Variants in ADAM22 observed in about 807,000 individuals in gnomAD.
The protein encoded by ADAM22 is disintegrin and metalloproteinase domain-containing protein 22.
Under a neutral mutation model 144.6 loss-of-function variants are expected in ADAM22, and 65 were observed. The ratio of observed to expected loss-of-function variants is 0.45; its 90% confidence interval spans 0.37 to 0.55. The LOEUF is 0.55. Ranked by LOEUF, ADAM22 falls within the 20% of genes least tolerant of loss-of-function variation. ADAM22 has a pLI of 0.00. For missense variants in ADAM22, 974 were observed against 1,184.9 expected, an observed-to-expected ratio of 0.82 and a Z score of 2.61; for synonymous variants, 391 against 412.6, an observed-to-expected ratio of 0.95 and a Z score of 0.63.
chr7:88,003,046 T>C lies in ADAM22; in HGVS notation c.323+24634T>C, dbSNP rs2282946. Among the ~76,000 whole-genome samples, 932 of 152,304 alleles carry C rather than the reference T, an allele frequency of 6.1e-3. 12 individuals are homozygous for C. The highest frequency in any genetic ancestry group is 0.046 in the East Asian group (240 of 5,188). ...TGAATTCTGTTTTTCAGTGACTAACTGGGATCAGAATAAAAAGAGTTGAAG... is the reference window on the plus strand; with the variant it reads ...TGAATTCTGTTTTTCAGTGACTAACCGGGATCAGAATAAAAAGAGTTGAAG... On this transcript the variant is annotated intron_variant, in intron 3 of 31. Transcript: ENST00000413139.
intron 3 of ADAM22, among the ~76,000 whole-genome samples, 168 bp downstream of exon 3, chr7:87,978,580 A>G (rs894581613): frequency 1.3e-5 from 2 of 152,252 alleles, no homozygotes; most frequent in African/African-American, 2.4e-5. Context: ...GGCAGATAAC[A>G]AGAAATATAT....
chr7:87,937,534 CT>C (rs1239837124), intron 2 of ADAM22, among the ~76,000 whole-genome samples: 1 of 152,168 alleles, frequency 6.6e-6, no homozygotes, highest in Non-Finnish European at 1.5e-5. Context: ...CTGGAAATGT[CT>C]TTGGGTACCT....
At chr7:87,970,622 C>A (rs1278197261) in intron 2 of ADAM22, among the ~76,000 whole-genome samples, 2 of 152,084 alleles carry the variant, frequency 1.3e-5, no homozygotes, top group Non-Finnish European at 2.9e-5. Flanking sequence ...TAAAAAGTTC[C>A]TTTGTGTTTG....
rs182546269 is a variant in ADAM22, at chr7:88,143,771, G to A, written c.1320+646G>A. ...CTGTGAAATGCTTCTGTGCACCACA[G>A]GGATATGCACCATTGCCTTTGTAAT... On this transcript the variant is annotated intron_variant, in intron 15 of 31. Coordinates refer to ENST00000413139, the MANE Select transcript of ADAM22 (RefSeq NM_001324418.2). 5.9e-5 allele frequency among the ~76,000 whole-genome samples: 9 copies of A among 152,320 alleles called. No homozygotes were observed. In the East Asian group the frequency reaches 1.5e-3, roughly 26 times the overall value.
intron 3 of ADAM22, among the ~76,000 whole-genome samples, chr7:88,035,016 GT>G (rs1417847568): frequency 6.6e-6 from 1 of 152,148 alleles, no homozygotes; most frequent in African/African-American, 2.4e-5. Flanking sequence ...TTATGTAAGT[GT>G]TTTTCTGTGT....
intron 26 of ADAM22, among the ~76,000 whole-genome samples, chr7:88,178,177 CT>C (rs1417284821): frequency 6.6e-6 from 1 of 152,102 alleles, no homozygotes; most frequent in African/African-American, 2.4e-5. Context: ...TACATTTTCA[CT>C]TGGGCACTCC....
intron 4 of ADAM22, among the ~76,000 whole-genome samples, chr7:88,104,382 A>G (rs767702884): frequency 4.6e-5 from 7 of 152,124 alleles, no homozygotes; most frequent in Admixed American, 6.5e-5. Flanking sequence ...TGTGTCAAAA[A>G]TGCTTACCAT....
chr7:88,050,244 A>AG (rs1398607613), intron 3 of ADAM22, among the ~76,000 whole-genome samples: 2 of 148,476 alleles, frequency 1.3e-5, no homozygotes, highest in African/African-American at 2.5e-5. Context: ...AAAAAAAAAA[A>AG]CCTGGGCATC....
intron 29 of ADAM22, chr7:88,185,691 A>AGGAAACTCTGG (rs1848139176): frequency 6.6e-6 from 1 of 152,204 alleles, no homozygotes; most frequent in Non-Finnish European, 1.5e-5. Context: ...TAAAAATCAA[A>AGGAAACTCTGG]GGAAACTCTG....
intron 7 of ADAM22, among the ~76,000 whole-genome samples, chr7:88,119,818 A>G (rs1828818178): frequency 6.6e-6 from 1 of 152,214 alleles, no homozygotes; most frequent in Non-Finnish European, 1.5e-5. Flanking sequence ...TATTAAGTTG[A>G]TGGACATTTA....
intron 3 of ADAM22, among the ~76,000 whole-genome samples, chr7:87,979,399 C>G (rs1208888425): frequency 6.6e-6 from 1 of 152,132 alleles, no homozygotes; most frequent in African/African-American, 2.4e-5. Context: ...GTTGCATTAG[C>G]CACATTTTAA....
At chr7:88,109,081 A>T (rs1825312103) in intron 5 of ADAM22, among the ~76,000 whole-genome samples, 1 of 152,094 alleles carries the variant, frequency 6.6e-6, no homozygotes, top group Non-Finnish European at 1.5e-5. Context: ...AGTTTCAGTA[A>T]ATGGAAACGC....
intron 17 of ADAM22, among the ~76,000 whole-genome samples, chr7:88,147,995 T>C (rs998861119): frequency 1.3e-5 from 2 of 152,168 alleles, no homozygotes; most frequent in Non-Finnish European, 2.9e-5. Flanking sequence ...TTATTAAATA[T>C]TTGATGAATG....
At chr7:88,001,919 C>G (rs1180114864) in intron 3 of ADAM22, among the ~76,000 whole-genome samples, 3 of 151,916 alleles carry the variant, frequency 2.0e-5, no homozygotes. Flanking sequence ...CTGTAATTTA[C>G]TAGTTACATA....
intron 2 of ADAM22, among the ~76,000 whole-genome samples, chr7:87,963,435 A>G (rs1400494723): frequency 6.6e-6 from 1 of 152,232 alleles, no homozygotes; most frequent in African/African-American, 2.4e-5. Context: ...CAGAGCAACA[A>G]GAAGTTTAAA....
intron 4 of ADAM22, among the ~76,000 whole-genome samples, chr7:88,095,408 G>C (rs1246540873): frequency 2.0e-5 from 3 of 152,170 alleles, no homozygotes; most frequent in African/African-American, 7.2e-5. Context: ...GGTTTCTCCT[G>C]TTCACCCAAC....
At chr7:88,162,371 A>T (rs1026823585) in intron 22 of ADAM22, among the ~76,000 whole-genome samples, 1 of 152,042 alleles carries the variant, frequency 6.6e-6, no homozygotes, top group Non-Finnish European at 1.5e-5. Context: ...ATGAGAAAAA[A>T]TAACTATTGA....
intron 26 of ADAM22, among the ~76,000 whole-genome samples, chr7:88,172,052 G>T (rs980510352): frequency 6.6e-6 from 1 of 151,676 alleles, no homozygotes; most frequent in Non-Finnish European, 1.5e-5. Flanking sequence ...CTAGCATTTC[G>T]TGAGCCTGTT....
In ADAM22 at chr7:88,011,293, G is replaced by A. The variant is rs1424408365; in HGVS notation, c.323+32881G>A. Among the ~76,000 whole-genome samples the A allele has an allele frequency of 2.6e-5, 4 of 152,168 alleles. No individual in the cohort carries two copies. The East Asian group carries it at 7.7e-4, about 29-fold the overall frequency. ...ATTAAAAACACTGCCTGTAATCCCA[G>A]CACTTTGGGAGGCCGAGGCGGGCGG... On this transcript the variant is annotated intron_variant, in intron 3 of 31. Transcript: ENST00000413139.
Sources: allele counts gnomAD v4.1 joint callset (sites outside exome capture counted in the v4.1 genomes callset), GRCh38; gene constraint gnomAD v4.1.1; transcripts MANE v1.5; gene names NCBI Gene and HGNC (gene_info 2026-07-23, HGNC 2026-07-21).